Variants in B3GAT2 observed in about 807,000 individuals in gnomAD.
B3GAT2 encodes the protein galactosylgalactosylxylosylprotein 3-beta-glucuronosyltransferase 2.
B3GAT2 carries 26 observed loss-of-function variants against 27.8 expected under a neutral mutation model. That is an observed-to-expected ratio of 0.93 (90% CI 0.68 to 1.30). The LOEUF (loss-of-function observed/expected upper bound fraction) is 1.30, where lower values mean the gene tolerates loss of function less well. Ranked by LOEUF, B3GAT2 falls within the 50% of genes most tolerant of loss-of-function variation. The pLI, the probability that B3GAT2 is intolerant of heterozygous loss-of-function variation, is 0.00. For synonymous variants in B3GAT2, 218 were observed against 195.1 expected (o/e 1.12, Z -0.98); for missense variants, 458 against 459.0 (o/e 1.00, Z 0.02).
intron 2 of B3GAT2, among the ~76,000 whole-genome samples, chr6:70,879,463 A>C (rs1479333281): frequency 6.8e-6 from 1 of 147,998 alleles, no homozygotes; most frequent in Non-Finnish European, 1.5e-5. Context: ...ATCCTGGCAC[A>C]GTTGTTCTAA....
chr6:70,928,914 T>C (rs1773010705), intron 1 of B3GAT2, among the ~76,000 whole-genome samples: 1 of 152,212 alleles, frequency 6.6e-6, no homozygotes, highest in African/African-American at 2.4e-5. Context: ...TGCACATGTA[T>C]GTTTATTGAG....
At chr6:70,927,110 A>T (rs1187621419) in intron 1 of B3GAT2, among the ~76,000 whole-genome samples, 1 of 152,216 alleles carries the variant, frequency 6.6e-6, no homozygotes, top group African/African-American at 2.4e-5. Context: ...AAAATCCTTT[A>T]CAGACAAGCA....
intron 2 of B3GAT2, among the ~76,000 whole-genome samples, chr6:70,886,705 C>T (rs572504941): frequency 2.0e-5 from 3 of 152,292 alleles, no homozygotes; most frequent in South Asian, 4.1e-4. Context: ...TTGCCCCACA[C>T]GCCCACCTCT....
At position 70,956,834 on chromosome 6, in the gene B3GAT2, G is replaced by C; in HGVS notation, c.-405C>G. 1 of 1,064,336 alleles carries C rather than the reference G, an allele frequency of 9.4e-7. No individual in the cohort carries two copies. 65.9% of individuals were successfully genotyped at this position (1,064,336 alleles called of 1,614,324 possible). A position where few individuals can be genotyped will look rare whatever the true frequency, so the allele number is the denominator to read the frequency against. On this transcript the variant is annotated 5_prime_UTR_variant, in exon 1 of 4. Transcript: ENST00000230053. ...CGCCTCGCCGCTCCAGTCCGGCGGT[G>C]CTGCGGGCACAAGGGCTCCAGCCGC...
At position 70,869,302 on chromosome 6, in the gene B3GAT2, C is replaced by T. The variant is rs139618577; in HGVS notation, c.737-7324G>A. On this transcript the variant is annotated intron_variant, in intron 2 of 3. Coordinates refer to ENST00000230053, the MANE Select transcript of B3GAT2 (RefSeq NM_080742.3). ...GTAGCTGGGACTATAAGGTGCATGT[C>T]GCTCCATCTGGTGATGACATTATTG... Among the ~76,000 whole-genome samples, 78 of 152,186 alleles carry T rather than the reference C, an allele frequency of 5.1e-4. 1 individual carries two copies. Among genetic ancestry groups the T allele is most frequent in the African/African-American group, 1.6e-3 (65 of 41,526 alleles).
intron 1 of B3GAT2, among the ~76,000 whole-genome samples, chr6:70,930,046 C>T (rs897634355): frequency 2.6e-4 from 39 of 152,282 alleles, no homozygotes; most frequent in African/African-American, 9.4e-4. Context: ...CACACATCTA[C>T]AACCATCTGA....
intron 1 of B3GAT2, among the ~76,000 whole-genome samples, chr6:70,925,059 C>T (rs1046909020): frequency 6.6e-6 from 1 of 152,236 alleles, no homozygotes; most frequent in African/African-American, 2.4e-5. Context: ...GAAGTGGACT[C>T]AGCATAAGGA....
intron 1 of B3GAT2, among the ~76,000 whole-genome samples, chr6:70,902,403 A>G (rs1176106073): frequency 1.3e-5 from 2 of 152,164 alleles, no homozygotes; most frequent in Non-Finnish European, 2.9e-5. Context: ...AAATTGGCAT[A>G]GCCATTGTAG....
chr6:70,900,238 A>G (rs1318715111), intron 1 of B3GAT2, among the ~76,000 whole-genome samples: 2 of 152,222 alleles, frequency 1.3e-5, no homozygotes, highest in Non-Finnish European at 2.9e-5. Flanking sequence ...ATGGCTACAA[A>G]GGACACACAA....
intron 2 of B3GAT2, among the ~76,000 whole-genome samples, chr6:70,889,183 CTCTA>C (rs1173255024): frequency 1.3e-5 from 2 of 152,180 alleles, no homozygotes; most frequent in African/African-American, 4.8e-5. Flanking sequence ...TCAGAGGTGA[CTCTA>C]TCTAGGTGAA....
chr6:70,929,249 A>T (rs2150045069), intron 1 of B3GAT2, among the ~76,000 whole-genome samples: 1 of 152,244 alleles, frequency 6.6e-6, no homozygotes, highest in Non-Finnish European at 1.5e-5. Context: ...CCTAATGTAA[A>T]TGACGAGTTA....
At chr6:70,893,583 C>T (rs189138449) in intron 2 of B3GAT2, among the ~76,000 whole-genome samples, 2 of 152,138 alleles carry the variant, frequency 1.3e-5, no homozygotes, top group East Asian at 1.9e-4. Context: ...GGAATAAAAA[C>T]TTTAAGACAG....
intron 1 of B3GAT2, among the ~76,000 whole-genome samples, chr6:70,897,229 A>C (rs113944590): frequency 0.034 from 4,766 of 140,050 alleles, 91 homozygotes; most frequent in African/African-American, 0.053. Flanking sequence ...CGCACATTCA[A>C]AAAAAAAAAG....
chr6:70,939,977 A>G lies in B3GAT2; in HGVS notation c.591+15862T>C, dbSNP rs530869023. On this transcript the variant is annotated intron_variant, in intron 1 of 3. Coordinates refer to ENST00000230053, the MANE Select transcript of B3GAT2 (RefSeq NM_080742.3). ...GGTTAATGTTACAAAATTCTTTTAG[A>G]AATTATGTGACCAGAAAATGTTGGG... Among the ~76,000 whole-genome samples the G allele has an allele frequency of 8.5e-5, 13 of 152,270 alleles. 1 individual carries two copies. Among genetic ancestry groups the G allele is most frequent in the Admixed American group, 7.8e-4 (12 of 15,290 alleles).
At chr6:70,878,293 C>T (rs1223227219) in intron 2 of B3GAT2, among the ~76,000 whole-genome samples, 6 of 152,102 alleles carry the variant, frequency 3.9e-5, no homozygotes, top group Non-Finnish European at 7.4e-5. Flanking sequence ...GTCAAATTTT[C>T]TATTTTTATC....
rs182251031 is a variant in B3GAT2, at chr6:70,903,589, A to G, written c.592-9317T>C. Among the ~76,000 whole-genome samples the G allele has an allele frequency of 4.9e-3, 750 of 152,302 alleles. 3 individuals carry two copies. Among genetic ancestry groups the G allele is most frequent in the Non-Finnish European group, 8.0e-3 (547 of 68,016 alleles). ...CAAGATATATGAATGACCAATTATC[A>G]CACAAAAAGATGCTCTGTGTCATCA... On this transcript the variant is annotated intron_variant, in intron 1 of 3. Transcript: ENST00000230053.
At chr6:70,930,353 A>C (rs1345718873) in intron 1 of B3GAT2, among the ~76,000 whole-genome samples, 1 of 152,246 alleles carries the variant, frequency 6.6e-6, no homozygotes, top group African/African-American at 2.4e-5. Context: ...GCATCTAATT[A>C]AACTAAAGAG....
intron 2 of B3GAT2, among the ~76,000 whole-genome samples, chr6:70,889,775 T>C (rs1250215857): frequency 2.7e-5 from 4 of 148,100 alleles, no homozygotes; most frequent in African/African-American, 5.0e-5. Flanking sequence ...CTCTGCTCCA[T>C]TAGAAACCTA....
At chr6:70,889,783 C>A (rs971875717) in intron 2 of B3GAT2, among the ~76,000 whole-genome samples, 1 of 143,236 alleles carries the variant, frequency 7.0e-6, no homozygotes, top group African/African-American at 2.6e-5. Flanking sequence ...CATTAGAAAC[C>A]TAATTTTTTT....
Sources: gnomAD v4.1 joint callset for allele counts (sites outside exome capture counted in the v4.1 genomes callset) on GRCh38, gnomAD v4.1.1 for gene constraint, MANE v1.5 for transcripts, NCBI Gene and HGNC (gene_info 2026-07-23, HGNC 2026-07-21) for gene names.